Variants in CCDC134 observed in about 807,000 individuals in gnomAD.
The protein encoded by CCDC134 is coiled-coil domain containing 134.
A neutral mutation model predicts 25.6 loss-of-function variants in CCDC134; 27 were observed. The ratio of observed to expected loss-of-function variants is 1.05; its 90% CI spans 0.78 to 1.45. The LOEUF (loss-of-function observed/expected upper bound fraction) is 1.45. Among genes scored for constraint, CCDC134 ranks in the 40% most tolerant of loss-of-function variants. CCDC134 has a pLI of 0.00. For synonymous variants in CCDC134, 110 were observed against 115.0 expected (o/e 0.96, Z 0.28); for missense variants, 261 against 286.7 (o/e 0.91, Z 0.65).
chr22:41,822,906 A>C (rs2076659163), intron 6 of CCDC134, among the ~76,000 whole-genome samples: 1 of 152,234 alleles, frequency 6.6e-6, no homozygotes, highest in Non-Finnish European at 1.5e-5. Flanking sequence ...CCCATCTTCC[A>C]AAGTCATGAC....
Position 41,829,498 on chromosome 22 carries a change from A to G in CCDC134, c.*3675A>G, listed in dbSNP as rs961819647. ...AACCAAACTGGTTATTTCCCTCTCT[A>G]ACCCCATCTCTGTGTCAAACAGTGG... On this transcript the variant is annotated 3_prime_UTR_variant, in exon 7 of 7. Transcript: ENST00000255784. Among the ~76,000 whole-genome samples the G allele has an allele frequency of 2.6e-5, 4 of 152,168 alleles. No individual in the cohort carries two copies. Among genetic ancestry groups the G allele is most frequent in the African/African-American group, 4.8e-5 (2 of 41,420 alleles).
At chr22:41,816,299 C>G (rs543207391) in intron 6 of CCDC134, among the ~76,000 whole-genome samples, 1 of 152,332 alleles carries the variant, frequency 6.6e-6, no homozygotes, top group South Asian at 2.1e-4. Flanking sequence ...ATGGTATAAT[C>G]CAAGGCTACT....
At chr22:41,822,173 G>A (rs1415543954) in intron 6 of CCDC134, among the ~76,000 whole-genome samples, 1 of 152,120 alleles carries the variant, frequency 6.6e-6, no homozygotes, top group Non-Finnish European at 1.5e-5. Flanking sequence ...GAGGAGATAA[G>A]GCTGGAGACG....
chr22:41,813,552 T>C, intron 5 of CCDC134, 107 bp downstream of exon 5: 1 of 1,368,808 alleles, frequency 7.3e-7, no homozygotes, highest in Non-Finnish European at 1.0e-6. Context: ...GGTTACATTT[T>C]CTTTGTGGAG....
At chr22:41,820,776 G>A (rs1222860312) in intron 6 of CCDC134, among the ~76,000 whole-genome samples, 4 of 152,102 alleles carry the variant, frequency 2.6e-5, no homozygotes, top group Non-Finnish European at 5.9e-5. Flanking sequence ...GTTTTTTTCT[G>A]CACCTGGTGA....
intron 2 of CCDC134, 121 bp downstream of exon 2, chr22:41,809,114 T>C (rs983682342): frequency 1.3e-6 from 1 of 748,980 alleles, no homozygotes; most frequent in Non-Finnish European, 2.2e-6. Context: ...AAAGGTGAGG[T>C]GCTCTAGCCA....
Position 41,809,853 on chromosome 22 carries a change from C to G in CCDC134, c.104-26C>G, listed in dbSNP as rs199914503. On this transcript the variant is annotated intron_variant, in intron 2 of 6. Transcript: ENST00000255784. ...ATTGTCCAGGCAGGGCTATTGATGC[C>G]AGCCCCTTAACTTAATTCTGCCCAG... The G allele has an allele frequency of 8.6e-4, 1,388 of 1,613,688 alleles. 15 individuals are homozygous for G. Among genetic ancestry groups the G allele is most frequent in the Non-Finnish European group, 1.9e-4 (222 of 1,179,840 alleles).
rs541850675 is a variant in CCDC134, at chr22:41,824,948, G to A, written c.565-750G>A. 2.0e-5 allele frequency among the ~76,000 whole-genome samples: 3 copies of A among 152,210 alleles called. No individual in the cohort carries two copies. In the East Asian group the frequency reaches 5.8e-4, roughly 29 times the overall value. On this transcript the variant is annotated intron_variant, in intron 6 of 6. Coordinates refer to ENST00000255784, the MANE Select transcript of CCDC134 (RefSeq NM_024821.5). The stretch of plus-strand genomic sequence containing the variant: ...TTTGAGAGAGATTTAGGGCTTGAAA[G>A]TAGCCAGGCCTTGGTGATGGACCCG...
Position 41,825,860 on chromosome 22 carries a change from G to C in CCDC134, c.*37G>C. The C allele has an allele frequency of 6.2e-7, 1 of 1,610,476 alleles. No individual in the cohort carries two copies. The highest frequency in any genetic ancestry group is 8.5e-7 in the Non-Finnish European group (1 of 1,177,778). On this transcript the variant is annotated 3_prime_UTR_variant, in exon 7 of 7. Transcript: ENST00000255784. The surrounding 1 kb of genome is among the most constrained non-coding windows in gnomAD (Gnocchi z 4.4). The stretch of plus-strand genomic sequence containing the variant: ...CTCAGGGCTCAGGGGGCCACAAGGA[G>C]GCAGGTCGGGAGGAAGAAGAGGTGG...
At chr22:41,811,578 G>A (rs112551599) in intron 4 of CCDC134, among the ~76,000 whole-genome samples, 1,956 of 152,048 alleles carry the variant, frequency 0.013, 46 homozygotes, top group African/African-American at 0.045. Flanking sequence ...AGAGACATGC[G>A]CCCCCAGGCC....
chr22:41,820,396 T>A (rs1290529918), intron 6 of CCDC134, among the ~76,000 whole-genome samples: 1 of 152,046 alleles, frequency 6.6e-6, no homozygotes, highest in Non-Finnish European at 1.5e-5. Flanking sequence ...GCCTCCCAGA[T>A]TCAAGCGATT....
rs1482554394 is a variant in CCDC134, at chr22:41,829,749, A to AATCC, written c.*3931_*3934dup. Among the ~76,000 whole-genome samples the AATCC allele has an allele frequency of 6.6e-6, 1 of 152,096 alleles. No homozygotes were observed. Among genetic ancestry groups the AATCC allele is most frequent in the East Asian group, 1.9e-4 (1 of 5,190 alleles). On this transcript the variant is annotated 3_prime_UTR_variant, in exon 7 of 7. Coordinates refer to ENST00000255784, the MANE Select transcript of CCDC134 (RefSeq NM_024821.5). ...TCGAAACATAGTGGTTACCCAGTCT[A>AATCC]ATCCATCCCTTTTCTTTCTTTCTTT...
rs1054243228 is a variant in CCDC134 at position 41,827,062 on chromosome 22, T to C, written c.*1239T>C. Among the ~76,000 whole-genome samples, 3 of 152,236 alleles carry C rather than the reference T, an allele frequency of 2.0e-5. No homozygotes were observed. ...TGAATTTGATGGTATCTGTATCCCC[T>C]GCCCAGCCCTAACCTGTTTCTCTGA... On this transcript the variant is annotated 3_prime_UTR_variant, in exon 7 of 7. Coordinates refer to ENST00000255784, the MANE Select transcript of CCDC134 (RefSeq NM_024821.5).
chr22:41,814,481 C>T (rs1281794257), intron 6 of CCDC134, among the ~76,000 whole-genome samples: 1 of 151,742 alleles, frequency 6.6e-6, no homozygotes, highest in African/African-American at 2.4e-5. Flanking sequence ...GCAGGAGAAT[C>T]GCTTGAACCC....
chr22:41,825,553 TC>T lies in CCDC134; in HGVS notation c.565-142del. The T allele has an allele frequency of 9.5e-7, 1 of 1,057,092 alleles. No individual in the cohort carries two copies. Among genetic ancestry groups the T allele is most frequent in the South Asian group, 1.7e-5 (1 of 60,410 alleles). 65.5% of individuals were successfully genotyped at this position (1,057,092 alleles called of 1,614,324 possible). A position where few individuals can be genotyped will look rare whatever the true frequency, so the allele number is the denominator to read the frequency against. ...TCTTCCAACACCCACTCAGCAGTTC[TC>T]CCAAACCCATTTCCTGTCTCCGTGT... is the stretch of plus-strand genomic sequence containing the variant. On this transcript the variant is annotated intron_variant, in intron 6 of 6. Transcript: ENST00000255784. The surrounding 1 kb of genome is among the most constrained non-coding windows in gnomAD (Gnocchi z 4.4).
rs549002891 is a variant in CCDC134 at position 41,806,749 on chromosome 22, A to G, written c.-16-2126A>G. On this transcript the variant is annotated intron_variant, in intron 1 of 6. Transcript: ENST00000255784. ...TCCATCATATTATAGTGGAATGTAA[A>G]CAAGAAAACTAGTACCAGCCAGGCA... Among the ~76,000 whole-genome samples, 5 of 152,224 alleles carry G rather than the reference A, an allele frequency of 3.3e-5. No individual in the cohort carries two copies. In the South Asian group the frequency reaches 1.0e-3, roughly 32 times the overall value.
chr22:41,810,420 C>T, intron 4 of CCDC134, 129 bp downstream of exon 4: 3 of 747,808 alleles, frequency 4.0e-6, no homozygotes, highest in Admixed American at 5.2e-5. Flanking sequence ...CTAAGTGGTC[C>T]CCTTGGGCAG....
In CCDC134 at chr22:41,829,725, C is replaced by T. The variant is rs946489709; in HGVS notation, c.*3902C>T. ...CACATGCCCAATCCATGGTAGATAT[C>T]GAAACATAGTGGTTACCCAGTCTAA... On this transcript the variant is annotated 3_prime_UTR_variant, in exon 7 of 7. Transcript: ENST00000255784. Among the ~76,000 whole-genome samples, 2 of 152,134 alleles carry T rather than the reference C, an allele frequency of 1.3e-5. No individual in the cohort carries two copies. The highest frequency in any genetic ancestry group is 4.8e-5 in the African/African-American group (2 of 41,438).
chr22:41,824,982 G>A (rs536847961), intron 6 of CCDC134, among the ~76,000 whole-genome samples: 3 of 152,268 alleles, frequency 2.0e-5, no homozygotes, highest in African/African-American at 7.2e-5. Context: ...CGAGGAGGGA[G>A]AGGGAATGCC....
Sources: gnomAD v4.1 joint callset for allele counts (sites outside exome capture counted in the v4.1 genomes callset) on GRCh38, gnomAD v4.1.1 for gene constraint, Gnocchi (gnomAD v3.1) non-coding constraint, MANE v1.5 for transcripts, NCBI Gene and HGNC (gene_info 2026-07-23, HGNC 2026-07-21) for gene names.